LPAR6: variants seen among roughly 807,000 people sequenced by gnomAD.
The protein encoded by LPAR6 is G-protein coupled purinergic receptor P2Y5.
In LPAR6, 17 loss-of-function variants were observed where a neutral mutation model predicts 22.0. The observed-to-expected ratio is 0.77, with a 90% CI of 0.53 to 1.16. The LOEUF is 1.16. LPAR6 is among the 50% of genes most tolerant of loss of function. The pLI, the probability that LPAR6 is intolerant of heterozygous loss-of-function variation, is 0.00. For missense variants in LPAR6, 384 were observed against 406.9 expected, an observed-to-expected ratio of 0.94 and a Z score of 0.48; for synonymous variants, 136 against 139.8, an observed-to-expected ratio of 0.97 and a Z score of 0.19.
In LPAR6 at chr13:48,399,306, C is replaced by T. The variant is rs1348156464; in HGVS notation, n.115-9494G>A. Among the ~76,000 whole-genome samples, 11 of 151,242 alleles carry T rather than the reference C, an allele frequency of 7.3e-5. 1 individual carries two copies. Among genetic ancestry groups the T allele is most frequent in the Admixed American group, 5.3e-4 (8 of 15,172 alleles). ...CTTCTATACGAATGCAAAAATGTAA[C>T]GACAAAGAAGGGAAAATAAAAGAAG... On this transcript the variant is annotated intron_variant and non_coding_transcript_variant, in intron 1 of 1. Transcript: ENST00000462781.
upstream of LPAR6, among the ~76,000 whole-genome samples, chr13:48,428,753 A>G (rs1313355873): frequency 1.3e-5 from 2 of 152,216 alleles, no homozygotes; most frequent in Non-Finnish European, 2.9e-5. Flanking sequence ...TTGCATTTGT[A>G]CATAGTAATG....
chr13:48,411,553 A>C lies in LPAR6; in HGVS notation c.871T>G (p.Tyr291Asp), dbSNP rs955717362. The change falls in exon 1 of 1, where the codon TAC becomes GAC. Residue 291 changes from tyrosine (Y) to aspartate (D), a missense_variant. Coordinates refer to ENST00000620633, the MANE Select transcript of LPAR6 (RefSeq NM_001162498.3). ...TGAATTGTGTCCGATGTAAAGTAGT[A>C]AACTATAGGGTCAAAACAACAGTTG... ...VSNCCFDPIV[Y>D]YFTSDTIQNS... 2.5e-6 allele frequency: 4 copies of C among 1,613,798 alleles called. No homozygotes were observed. Among genetic ancestry groups the C allele is most frequent in the Non-Finnish European group, 3.4e-6 (4 of 1,179,850 alleles).
intron 1 of LPAR6, among the ~76,000 whole-genome samples, chr13:48,422,988 A>G (rs914909474): frequency 4.0e-5 from 6 of 151,888 alleles, no homozygotes; most frequent in African/African-American, 1.5e-4. Context: ...AAATTAGCCA[A>G]GTGTGGTGGT....
chr13:48,422,737 G>A lies in LPAR6; in HGVS notation c.-1041C>T, dbSNP rs1323523984. On this transcript the variant is annotated 5_prime_UTR_variant, in exon 2 of 5. Transcript: ENST00000345941. ...TTGAGCCTAGGAGGTTGAGACTGCA[G>A]TGAGCTTTGATTGTACCACTGCACT... The A allele has an allele frequency of 2.0e-5, 3 of 152,058 alleles. No homozygotes were observed. The East Asian group carries it at 5.8e-4, about 29-fold the overall frequency. 9.4% of individuals were successfully genotyped at this position (152,058 alleles called of 1,614,324 possible).
At position 48,411,457 on chromosome 13, in the gene LPAR6, C is replaced by G. The variant is rs767102500; in HGVS notation, c.967G>C (p.Glu323Gln). The G allele has an allele frequency of 5.0e-6, 8 of 1,613,262 alleles. No individual in the cohort carries two copies. The highest frequency in any genetic ancestry group is 4.2e-6 in the Non-Finnish European group (5 of 1,179,704). Residue 323 changes from glutamate to glutamine, a missense_variant, in exon 1 of 1, where the codon GAG becomes CAG. Transcript: ENST00000620633. ...TGTAGGTTATGCTGAATAAAATTCTCTGCACCATGAACTTCAGAGAATCTG... is the reference window on the plus strand; with the variant it reads ...TGTAGGTTATGCTGAATAAAATTCTGTGCACCATGAACTTCAGAGAATCTG... ...DFRFSEVHGA[E>Q]NFIQHNLQTL...
chr13:48,433,142 T>C (rs1294455215), intron 1 of LPAR6, among the ~76,000 whole-genome samples: 1 of 152,142 alleles, frequency 6.6e-6, no homozygotes, highest in African/African-American at 2.4e-5. Flanking sequence ...TGAACATACA[T>C]GTAAGCTACT....
At chr13:48,401,489 A>G (rs973029606) in intron 1 of LPAR6, 3 of 152,206 alleles carry the variant, frequency 2.0e-5, no homozygotes, top group East Asian at 3.8e-4. Context: ...TGCTTCAATC[A>G]TCTAAGCTTA....
intron 1 of LPAR6, among the ~76,000 whole-genome samples, chr13:48,423,676 G>A (rs1183225940): frequency 1.3e-5 from 2 of 152,022 alleles, no homozygotes; most frequent in African/African-American, 4.8e-5. Context: ...CAGGGGATAT[G>A]CAAAAAGAAA....
chr13:48,436,417 C>T (rs545691884), intron 1 of LPAR6, among the ~76,000 whole-genome samples: 68 of 152,168 alleles, frequency 4.5e-4, no homozygotes, highest in Admixed American at 2.7e-3. Context: ...CCAAGGCAGG[C>T]GGATCACCTG....
chr13:48,392,812 ATTTT>A (rs1948621442), intron 1 of LPAR6, among the ~76,000 whole-genome samples: 1 of 149,352 alleles, frequency 6.7e-6, no homozygotes, highest in Non-Finnish European at 1.5e-5. Context: ...CTGCTTGGTG[ATTTT>A]TTTGTTAGGT....
intron 1 of LPAR6, among the ~76,000 whole-genome samples, chr13:48,443,630 C>G (rs1949259484): frequency 6.6e-6 from 1 of 152,134 alleles, no homozygotes; most frequent in African/African-American, 2.4e-5. Flanking sequence ...ACACATCATT[C>G]TATTTTGCCA....
chr13:48,395,383 C>T (rs1566204294), intron 1 of LPAR6, among the ~76,000 whole-genome samples: 1 of 151,898 alleles, frequency 6.6e-6, no homozygotes. Context: ...GGGAGTTTGA[C>T]GAATTGACAG....
At chr13:48,431,125 C>T (rs749545164), upstream of LPAR6, among the ~76,000 whole-genome samples, 2 of 122,704 alleles carry the variant, frequency 1.6e-5, no homozygotes, top group Admixed American at 9.3e-5. Flanking sequence ...GGAAACAAGT[C>T]TGTTAGAACA....
chr13:48,440,363 C>G (rs909498890), intron 1 of LPAR6, among the ~76,000 whole-genome samples: 1 of 152,126 alleles, frequency 6.6e-6, no homozygotes, highest in African/African-American at 2.4e-5. Flanking sequence ...AGGAGGGAGG[C>G]TAGAGTTGAT....
chr13:48,408,141 A>G (rs1450760801), downstream of LPAR6, among the ~76,000 whole-genome samples: 4 of 152,128 alleles, frequency 2.6e-5, no homozygotes, highest in Non-Finnish European at 5.9e-5. Context: ...TTCTTTAAAT[A>G]CCAATATCTA....
At chr13:48,442,454 A>G (rs1197884947) in intron 1 of LPAR6, among the ~76,000 whole-genome samples, 1 of 152,154 alleles carries the variant, frequency 6.6e-6, no homozygotes, top group Non-Finnish European at 1.5e-5. Context: ...GCAAATATTC[A>G]TCATAGATAT....
upstream of LPAR6, chr13:48,429,531 G>A (rs939125897): frequency 7.2e-5 from 11 of 152,006 alleles, no homozygotes; most frequent in African/African-American, 2.4e-4. Context: ...CCTGCACATA[G>A]TGAAAATCAT....
At chr13:48,430,279 G>A (rs1251901374), upstream of LPAR6, among the ~76,000 whole-genome samples, 1 of 152,076 alleles carries the variant, frequency 6.6e-6, no homozygotes, top group African/African-American at 2.4e-5. Flanking sequence ...GGATAATTCA[G>A]TAAATGCTCA....
intron 1 of LPAR6, among the ~76,000 whole-genome samples, chr13:48,405,199 CAG>C (rs879303881): frequency 1.3e-5 from 2 of 152,110 alleles, no homozygotes; most frequent in Non-Finnish European, 2.9e-5. Context: ...CATGAGAAAT[CAG>C]ATAGTTTCAT....
Sources: allele counts gnomAD v4.1 joint callset (sites outside exome capture counted in the v4.1 genomes callset), GRCh38; gene constraint gnomAD v4.1.1; transcripts MANE v1.5; gene names NCBI Gene and HGNC (gene_info 2026-07-23, HGNC 2026-07-21).